KIF4A: variants seen among roughly 807,000 people sequenced by gnomAD.
KIF4A encodes the protein kinesin family member 4A, also known as chromosome-associated kinesin KIF4A.
In KIF4A, 7 loss-of-function variants were observed where a neutral mutation model predicts 105.9. That is an observed-to-expected ratio of 0.07 (90% CI 0.04 to 0.12). KIF4A has a LOEUF of 0.12. KIF4A is among the 10% of genes least tolerant of loss of function. The pLI, the probability that KIF4A is intolerant of heterozygous loss-of-function variation, is 1.00. For synonymous variants in KIF4A, 281 were observed against 331.3 expected (o/e 0.85, Z 1.65); for missense variants, 558 against 929.2 (o/e 0.60, Z 5.19).
intron 18 of KIF4A, among the ~76,000 whole-genome samples, chrX:70,384,826 CT>C (rs371784485): frequency 5.6e-3 from 553 of 98,382 alleles, no homozygotes; most frequent in African/African-American, 0.011. Context: ...AAGAGAATCT[CT>C]TTTTTTTTTT....
chrX:70,366,658 C>G, intron 15 of KIF4A, among the ~76,000 whole-genome samples: 1 of 111,806 alleles, frequency 8.9e-6, no homozygotes, highest in Non-Finnish European at 1.9e-5. Flanking sequence ...CTGAGGAGTG[C>G]TTTACTTCCA....
At chrX:70,370,732 T>C (rs1168618739) in intron 15 of KIF4A, among the ~76,000 whole-genome samples, 1 of 109,487 alleles carries the variant, frequency 9.1e-6, no homozygotes. Flanking sequence ...GCTCAGGAGT[T>C]CGAGACCAGC....
intron 22 of KIF4A, among the ~76,000 whole-genome samples, chrX:70,398,043 ATGTT>A (rs935713862): frequency 9.0e-6 from 1 of 111,636 alleles, no homozygotes; most frequent in Non-Finnish European, 1.9e-5. Flanking sequence ...TTTTTGTTTT[ATGTT>A]TGTTTGTTTT....
At chrX:70,401,072 G>A (rs757320538) in intron 22 of KIF4A, among the ~76,000 whole-genome samples, 8 of 101,660 alleles carry the variant, frequency 7.9e-5, no homozygotes, top group Admixed American at 7.5e-4. Context: ...CCGCCAATAG[G>A]TTTATGATTT....
chrX:70,318,729 T>G (rs2085879395), intron 7 of KIF4A, among the ~76,000 whole-genome samples: 2 of 112,282 alleles, frequency 1.8e-5, no homozygotes, highest in Admixed American at 9.4e-5. Flanking sequence ...CTAATGGGGT[T>G]GATCACCTTT....
intron 18 of KIF4A, among the ~76,000 whole-genome samples, chrX:70,381,994 T>C (rs1438883774): frequency 8.9e-6 from 1 of 112,802 alleles, no homozygotes; most frequent in Non-Finnish European, 1.9e-5. Flanking sequence ...TGGAATAAGA[T>C]TGAGAATCCA....
At chrX:70,377,889 G>A (rs190115165) in intron 18 of KIF4A, among the ~76,000 whole-genome samples, 56 of 112,506 alleles carry the variant, frequency 5.0e-4, no homozygotes, top group Admixed American at 1.9e-3. Context: ...AGCTGAGATC[G>A]TGCCACTGCA....
At chrX:70,324,530 C>T (rs776952254) in intron 7 of KIF4A, among the ~76,000 whole-genome samples, 3 of 111,957 alleles carry the variant, frequency 2.7e-5, no homozygotes, top group Middle Eastern at 4.2e-3. Context: ...GCCTTAAGTA[C>T]TTCTGACTTC....
intron 7 of KIF4A, among the ~76,000 whole-genome samples, chrX:70,302,872 G>A (rs2085810067): frequency 9.0e-6 from 1 of 111,363 alleles, no homozygotes; most frequent in Admixed American, 9.6e-5. Context: ...ATAGTGACCT[G>A]GTAATCTGCA....
At chrX:70,359,832 C>T (rs1038568654) in intron 15 of KIF4A, among the ~76,000 whole-genome samples, 14 of 111,384 alleles carry the variant, frequency 1.3e-4, no homozygotes, top group Non-Finnish European at 1.1e-4. Context: ...GCCCGCTTGT[C>T]AGAATTGGGC....
intron 10 of KIF4A, among the ~76,000 whole-genome samples, chrX:70,337,826 T>G (rs765195660): frequency 8.9e-6 from 1 of 112,435 alleles, no homozygotes; most frequent in African/African-American, 3.2e-5. Context: ...GTTTTTAATT[T>G]TTAAATCAAA....
At chrX:70,388,298 T>C (rs755318507) in intron 20 of KIF4A, among the ~76,000 whole-genome samples, 2 of 112,031 alleles carry the variant, frequency 1.8e-5, no homozygotes, top group Admixed American at 1.9e-4. Context: ...TATATCCATC[T>C]GTTGATGGAT....
Position 70,341,848 on chromosome X carries a change from C to A in KIF4A, c.1183C>A (p.Leu395Met). 8.3e-7 allele frequency: 1 copy of A among 1,211,287 alleles called. No homozygotes were observed. Among genetic ancestry groups the A allele is most frequent in the Non-Finnish European group, 1.1e-6 (1 of 895,199 alleles). The change falls in exon 11 of 31, where the codon CTG becomes ATG. Residue 395 changes from leucine (L) to methionine (M), a missense_variant. Physicochemically the swap from Leu to Met is conservative, Grantham distance 15. Transcript: ENST00000374403. ...LQSLMEKNQS[L>M]VEENEKLSRG... ...ATCCCTGATGGAGAAGAATCAGTCC[C>A]TGGTAGAGGAGAATGAAAAATTAAG... is the stretch of plus-strand genomic sequence containing the variant.
rs1479406775 is a variant in KIF4A, at chrX:70,371,644, A to G, written c.1675-2507A>G. Among the ~76,000 whole-genome samples, 5 of 99,258 alleles carry G rather than the reference A, an allele frequency of 5.0e-5. No homozygotes were observed. In the East Asian group the frequency reaches 1.7e-3, roughly 35 times the overall value. The allele number at this position is 99,258 out of a possible 115,157, so 86.2% of individuals were successfully genotyped here. Reference sequence around the variant, plus strand: ...TCCCTCCCGGATGGGGCGGCTGGCCAGGTGGGGGGCTGACCCCCCTACCTC... The same window carrying G: ...TCCCTCCCGGATGGGGCGGCTGGCCGGGTGGGGGGCTGACCCCCCTACCTC... On this transcript the variant is annotated intron_variant, in intron 15 of 30. Transcript: ENST00000374403.
At chrX:70,335,710 CACTT>C (rs1292962775) in intron 10 of KIF4A, among the ~76,000 whole-genome samples, 8 of 111,828 alleles carry the variant, frequency 7.2e-5, no homozygotes, top group African/African-American at 9.7e-5. Flanking sequence ...TGGATGTTCT[CACTT>C]ACAAGTGGGA....
intron 5 of KIF4A, among the ~76,000 whole-genome samples, chrX:70,299,666 C>T (rs371082516): frequency 1.8e-5 from 2 of 111,628 alleles, no homozygotes; most frequent in Admixed American, 1.9e-4. Flanking sequence ...GTATTTTCTT[C>T]TGGGTCATTG....
intron 20 of KIF4A, among the ~76,000 whole-genome samples, chrX:70,387,989 A>G (rs1349594682): frequency 9.0e-6 from 1 of 110,986 alleles, no homozygotes; most frequent in African/African-American, 3.3e-5. Flanking sequence ...ATCCCTCTGT[A>G]ATCCCTTCTT....
chrX:70,408,515 C>T (rs2086309112), intron 28 of KIF4A, among the ~76,000 whole-genome samples: 1 of 112,028 alleles, frequency 8.9e-6, no homozygotes, highest in African/African-American at 3.2e-5. Flanking sequence ...CTGTGCCCTG[C>T]AGCCACATTC....
In KIF4A at chrX:70,403,206, AT is replaced by A. The variant is rs752962582; in HGVS notation, c.2619+515del. On this transcript the variant is annotated intron_variant, in intron 23 of 30. Transcript: ENST00000374403. Reference sequence around the variant, plus strand: ...ATTGATTGCCTCTGGTGATTGAAGCATTTTCACTCAAGATAAGCATACAAAC... The same window carrying A: ...ATTGATTGCCTCTGGTGATTGAAGCATTTCACTCAAGATAAGCATACAAAC... Among the ~76,000 whole-genome samples, 1,068 of 112,381 alleles carry A rather than the reference AT, an allele frequency of 9.5e-3. 10 individuals carry two copies. The highest frequency in any genetic ancestry group is 0.033 in the African/African-American group (1,014 of 30,948).
Sources: allele counts gnomAD v4.1 joint callset (sites outside exome capture counted in the v4.1 genomes callset), GRCh38; gene constraint gnomAD v4.1.1; transcripts MANE v1.5; gene names NCBI Gene and HGNC (gene_info 2026-07-23, HGNC 2026-07-21).